Variants in PCDHGB3 observed in about 807,000 individuals in gnomAD.
PCDHGB3 encodes protocadherin gamma subfamily B, 3, also known as protocadherin gamma-B3.
Under a neutral mutation model 59.2 loss-of-function variants are expected in PCDHGB3, and 40 were observed. The ratio of observed to expected loss-of-function variants is 0.68; its 90% CI spans 0.52 to 0.88. The LOEUF (loss-of-function observed/expected upper bound fraction) is 0.88. Ranked by LOEUF, PCDHGB3 falls within the 40% of genes least tolerant of loss-of-function variation. The probability of loss-of-function intolerance (pLI) is 0.00; values close to 1 mark genes in which losing one functional copy is unlikely to be tolerated. For synonymous variants in PCDHGB3, 581 were observed against 503.6 expected (o/e 1.15, Z -2.06); for missense variants, 1,309 against 1,187.9 (o/e 1.10, Z -1.50).
intron 1 of PCDHGB3, chr5:141,430,984 C>A (rs765063685): frequency 6.2e-7 from 1 of 1,613,648 alleles, no homozygotes; most frequent in South Asian, 1.1e-5. Flanking sequence ...CGCAGCTTTT[C>A]GCCCTGAATC....
Position 141,414,298 on chromosome 5 carries a change from G to A in PCDHGB3, c.2415+41489G>A, listed in dbSNP as rs200349573. ...GGGAACAGTCGTAGCCCTTTTAAAT[G>A]TGCATGATTTAGACTCTGAGCAGAA... On this transcript the variant is annotated intron_variant, in intron 1 of 3. Transcript: ENST00000576222. The A allele has an allele frequency of 1.9e-5, 30 of 1,613,626 alleles. No homozygotes were observed. In the East Asian group the frequency reaches 6.7e-4, roughly 36 times the overall value.
intron 1 of PCDHGB3, chr5:141,422,633 G>C: frequency 6.2e-7 from 1 of 1,613,120 alleles, no homozygotes; most frequent in Non-Finnish European, 8.5e-7. Context: ...AACCCCAGGG[G>C]TGCCTCCATC....
At chr5:141,494,250 G>C (rs908660385) in intron 1 of PCDHGB3, among the ~76,000 whole-genome samples, 3 of 152,182 alleles carry the variant, frequency 2.0e-5, no homozygotes, top group African/African-American at 7.2e-5. Flanking sequence ...TTTAGCTGTG[G>C]GAAGAGATTC....
At chr5:141,390,867 CGT>C (rs61319619) in intron 1 of PCDHGB3, 8,912 of 150,888 alleles carry the variant, frequency 0.059, 387 homozygotes, top group African/African-American at 0.12. Context: ...GCTGTGTGTG[CGT>C]GTGTGTGTGT....
At chr5:141,374,277 G>T in intron 1 of PCDHGB3, 2 of 1,613,958 alleles carry the variant, frequency 1.2e-6, no homozygotes, top group African/African-American at 1.3e-5. Context: ...CACGGAGTCC[G>T]CATCGTCTCC....
rs1386737349 is a variant in PCDHGB3 at position 141,486,423 on chromosome 5, C to T, written c.2416-8384C>T. The T allele has an allele frequency of 6.2e-7, 1 of 1,614,042 alleles. No individual in the cohort carries two copies. The highest frequency in any genetic ancestry group is 8.5e-7 in the Non-Finnish European group (1 of 1,180,030). ...ACTGCTGGACCCTTGGATCGAGAGG[C>T]CAAATCTAGCTATGACATCATGGTC... is the stretch of plus-strand genomic sequence containing the variant. On this transcript the variant is annotated intron_variant, in intron 1 of 3. Transcript: ENST00000576222. The surrounding 1 kb of genome is among the most constrained non-coding windows in gnomAD (Gnocchi z 5.0).
intron 1 of PCDHGB3, among the ~76,000 whole-genome samples, chr5:141,466,351 A>G (rs897901821): frequency 6.6e-6 from 1 of 152,050 alleles, no homozygotes; most frequent in African/African-American, 2.4e-5. Context: ...TTTTGCAGCT[A>G]ATCTAGATGT....
intron 2 of PCDHGB3, among the ~76,000 whole-genome samples, chr5:141,499,352 CA>C (rs2099791418): frequency 6.6e-6 from 1 of 152,058 alleles, no homozygotes; most frequent in South Asian, 2.1e-4. Context: ...AGTCATTCAA[CA>C]AACAAATAGC....
At chr5:141,433,031 T>G (rs2097561851) in intron 1 of PCDHGB3, 2 of 1,614,088 alleles carry the variant, frequency 1.2e-6, no homozygotes, top group Non-Finnish European at 8.5e-7. Flanking sequence ...CCACGAGGTT[T>G]CCCTCACCAC....
At chr5:141,421,185 C>T in intron 1 of PCDHGB3, 1 of 1,463,494 alleles carries the variant, frequency 6.8e-7, no homozygotes, top group Non-Finnish European at 9.1e-7. Flanking sequence ...GATTCACAAC[C>T]AACCAGCTCG....
chr5:141,482,288 C>G (rs1413786764), intron 1 of PCDHGB3, among the ~76,000 whole-genome samples: 1 of 152,078 alleles, frequency 6.6e-6, no homozygotes, highest in Non-Finnish European at 1.5e-5. Context: ...GTCTTTTAAT[C>G]TCTTTAAACT....
At chr5:141,392,870 G>T (rs757363357) in intron 1 of PCDHGB3, 8 of 1,613,226 alleles carry the variant, frequency 5.0e-6, no homozygotes, top group Non-Finnish European at 6.8e-6. Context: ...TGTGCGCGCT[G>T]CTGGGAACGC....
chr5:141,453,288 A>G (rs931678565), intron 1 of PCDHGB3, among the ~76,000 whole-genome samples: 1 of 151,342 alleles, frequency 6.6e-6, no homozygotes, highest in Non-Finnish European at 1.5e-5. Context: ...TAATTTTTTA[A>G]TTATTTATTT....
chr5:141,396,698 A>G (rs1003976752), intron 1 of PCDHGB3: 8 of 152,182 alleles, frequency 5.3e-5, no homozygotes, highest in African/African-American at 1.9e-4. Context: ...ACCTTCTTGT[A>G]GCATTTGAAT....
At chr5:141,434,683 T>A (rs1057301534) in intron 1 of PCDHGB3, among the ~76,000 whole-genome samples, 8 of 152,248 alleles carry the variant, frequency 5.3e-5, no homozygotes, top group Non-Finnish European at 5.9e-5. Flanking sequence ...AATGACTGGC[T>A]TGCTGTTAAT....
At chr5:141,385,197 T>A (rs371691840) in intron 1 of PCDHGB3, 1 of 1,613,774 alleles carries the variant, frequency 6.2e-7, no homozygotes, top group African/African-American at 1.3e-5. Flanking sequence ...CTCGGAAGAG[T>A]CACCTGATCT....
intron 1 of PCDHGB3, among the ~76,000 whole-genome samples, chr5:141,386,837 A>G (rs551845645): frequency 1.3e-5 from 2 of 152,378 alleles, no homozygotes; most frequent in Middle Eastern, 6.8e-3. Context: ...ATGGAGAGAC[A>G]TAATCACTAA....
chr5:141,445,623 A>G (rs2098472971), intron 1 of PCDHGB3, among the ~76,000 whole-genome samples: 1 of 152,172 alleles, frequency 6.6e-6, no homozygotes, highest in South Asian at 2.1e-4. Flanking sequence ...TTTTTTTCGG[A>G]AAGTGATATT....
At chr5:141,418,458 TG>T in intron 1 of PCDHGB3, 1 of 1,614,010 alleles carries the variant, frequency 6.2e-7, no homozygotes, top group Non-Finnish European at 8.5e-7. Flanking sequence ...CAGAAGACTC[TG>T]GACCGAGAAA....
Sources: allele counts gnomAD v4.1 joint callset (sites outside exome capture counted in the v4.1 genomes callset), GRCh38; gene constraint gnomAD v4.1.1; non-coding constraint Gnocchi (gnomAD v3.1); transcripts MANE v1.5; gene names NCBI Gene and HGNC (gene_info 2026-07-23, HGNC 2026-07-21).